Variants in PTPRZ1 observed in about 807,000 individuals in gnomAD.
PTPRZ1 encodes protein tyrosine phosphatase receptor type Z1, also known as receptor-type tyrosine-protein phosphatase zeta.
PTPRZ1 carries 82 observed loss-of-function variants against 214.1 expected under a neutral mutation model. That is an observed-to-expected ratio of 0.38 (90% CI 0.32 to 0.46). The LOEUF (loss-of-function observed/expected upper bound fraction) is 0.46, where lower values mean the gene tolerates loss of function less well. Among genes scored for constraint, PTPRZ1 ranks in the 20% least tolerant of loss-of-function variants. PTPRZ1 has a pLI of 1.00. For missense variants in PTPRZ1, 2,603 were observed against 2,748.7 expected, an observed-to-expected ratio of 0.95 and a Z score of 1.19; for synonymous variants, 945 against 987.9, an observed-to-expected ratio of 0.96 and a Z score of 0.81.
chr7:121,965,611 CTT>C (rs1196498684), intron 2 of PTPRZ1, among the ~76,000 whole-genome samples: 1 of 152,078 alleles, frequency 6.6e-6, no homozygotes, highest in Non-Finnish European at 1.5e-5. Flanking sequence ...CCACCATCCT[CTT>C]TGCCAACAAA....
intron 10 of PTPRZ1, among the ~76,000 whole-genome samples, chr7:121,998,551 C>G (rs1459234813): frequency 6.6e-6 from 1 of 152,048 alleles, no homozygotes; most frequent in Admixed American, 6.6e-5. Flanking sequence ...AAAAATAAGA[C>G]AAACAAAAGT....
At chr7:121,980,100 T>A (rs1446661992) in intron 6 of PTPRZ1, among the ~76,000 whole-genome samples, 1 of 152,134 alleles carries the variant, frequency 6.6e-6, no homozygotes, top group Non-Finnish European at 1.5e-5. Context: ...TTCCCAATAA[T>A]AGGAAAATTC....
At chr7:121,975,651 G>GT (rs1209377835) in intron 4 of PTPRZ1, among the ~76,000 whole-genome samples, 1 of 152,194 alleles carries the variant, frequency 6.6e-6, no homozygotes, top group Non-Finnish European at 1.5e-5. Flanking sequence ...TATAGAGGCT[G>GT]TTACAGAGAG....
chr7:121,927,715 A>T (rs532714484), intron 1 of PTPRZ1, among the ~76,000 whole-genome samples: 1 of 152,290 alleles, frequency 6.6e-6, no homozygotes, highest in East Asian at 1.9e-4. Flanking sequence ...AGCGTGATAA[A>T]CTCTGGGTAC....
At position 121,918,446 on chromosome 7, in the gene PTPRZ1, A is replaced by T. The variant is rs145206969; in HGVS notation, c.59-9710A>T. Among the ~76,000 whole-genome samples, 354 of 152,292 alleles carry T rather than the reference A, an allele frequency of 2.3e-3. 2 individuals are homozygous for T. The highest frequency in any genetic ancestry group is 8.2e-3 in the African/African-American group (342 of 41,554). On this transcript the variant is annotated intron_variant, in intron 1 of 29. Transcript: ENST00000393386. ...GGTTCTTGTTTTTCATTATCTTGGT[A>T]GCTGAAGTACTTAACTTGCCTACTA...
At chr7:122,005,658 A>G (rs1798463772) in intron 11 of PTPRZ1, among the ~76,000 whole-genome samples, 1 of 152,030 alleles carries the variant, frequency 6.6e-6, no homozygotes, top group Non-Finnish European at 1.5e-5. Context: ...ATATGTATAT[A>G]TACACACACA....
At chr7:122,045,317 A>G (rs751522934) in intron 23 of PTPRZ1, among the ~76,000 whole-genome samples, 12 of 152,144 alleles carry the variant, frequency 7.9e-5, no homozygotes, top group Admixed American at 1.3e-4. Context: ...TGAAGAATGA[A>G]TATCTGGGAA....
intron 1 of PTPRZ1, chr7:121,908,902 A>G (rs766217247): frequency 7.8e-6 from 4 of 515,220 alleles, no homozygotes; most frequent in Non-Finnish European, 1.5e-5. Flanking sequence ...TTGAATATTC[A>G]TTGGTGCCTG....
chr7:121,948,477 T>C (rs1239938919), intron 2 of PTPRZ1, among the ~76,000 whole-genome samples: 1 of 152,060 alleles, frequency 6.6e-6, no homozygotes, highest in Non-Finnish European at 1.5e-5. Flanking sequence ...TAAATAAGAA[T>C]AAACATGTTG....
chr7:122,050,928 A>G (rs1250987093), intron 23 of PTPRZ1, among the ~76,000 whole-genome samples: 1 of 152,228 alleles, frequency 6.6e-6, no homozygotes, highest in Non-Finnish European at 1.5e-5. Flanking sequence ...GGAGATGCTC[A>G]TATCTATAAA....
At chr7:121,955,032 C>A (rs1466207015) in intron 2 of PTPRZ1, among the ~76,000 whole-genome samples, 1 of 152,180 alleles carries the variant, frequency 6.6e-6, no homozygotes, top group African/African-American at 2.4e-5. Flanking sequence ...GCATGGACTT[C>A]AACCAAAACA....
intron 27 of PTPRZ1, 26 bp downstream of exon 27, chr7:122,055,113 C>T: frequency 6.8e-7 from 1 of 1,475,280 alleles, no homozygotes; most frequent in Non-Finnish European, 9.2e-7. Flanking sequence ...AAATGACAAA[C>T]TTTTTATCTT....
At chr7:122,014,989 T>C (rs1320567940) in intron 12 of PTPRZ1, among the ~76,000 whole-genome samples, 3 of 152,130 alleles carry the variant, frequency 2.0e-5, no homozygotes, top group African/African-American at 7.2e-5. Flanking sequence ...CACTAAACAT[T>C]TTTCTGTAGA....
chr7:121,970,192 A>T (rs528254614), intron 3 of PTPRZ1, among the ~76,000 whole-genome samples: 1 of 152,072 alleles, frequency 6.6e-6, no homozygotes, highest in Admixed American at 6.5e-5. Flanking sequence ...TTCTTAATCC[A>T]GTCTATTGTT....
At chr7:121,914,904 A>G (rs756753361) in intron 1 of PTPRZ1, among the ~76,000 whole-genome samples, 4 of 152,166 alleles carry the variant, frequency 2.6e-5, no homozygotes, top group Admixed American at 6.6e-5. Flanking sequence ...AAAAGTTTCC[A>G]AGGTTTTCTT....
chr7:121,972,729 C>T (rs1462912383), intron 4 of PTPRZ1, 37 bp downstream of exon 4: 1 of 1,416,688 alleles, frequency 7.1e-7, no homozygotes. Context: ...ATTTTATTTT[C>T]TAAATAATTG....
chr7:121,969,166 A>G (rs1202149301), intron 3 of PTPRZ1, among the ~76,000 whole-genome samples: 1 of 152,126 alleles, frequency 6.6e-6, no homozygotes, highest in East Asian at 1.9e-4. Context: ...TGAACTCAAG[A>G]GTTGGAGGCT....
At chr7:121,904,738 G>T (rs1795069206) in intron 1 of PTPRZ1, among the ~76,000 whole-genome samples, 1 of 152,080 alleles carries the variant, frequency 6.6e-6, no homozygotes, top group Non-Finnish European at 1.5e-5. Flanking sequence ...AACTTCTGTT[G>T]TTACTTCTGT....
At position 121,943,713 on chromosome 7, in the gene PTPRZ1, A is replaced by T. The variant is rs576712791; in HGVS notation, c.124+15492A>T. The stretch of plus-strand genomic sequence containing the variant: ...ATTACCTGGAGGGCTTACTGAAAAA[A>T]GATTACTGGTCCTGATTTTCAGAGT... On this transcript the variant is annotated intron_variant, in intron 2 of 29. Transcript: ENST00000393386. Among the ~76,000 whole-genome samples, 13 of 152,320 alleles carry T rather than the reference A, an allele frequency of 8.5e-5. No homozygotes were observed. The East Asian group carries it at 2.5e-3, about 29-fold the overall frequency.
Sources: allele counts gnomAD v4.1 joint callset (sites outside exome capture counted in the v4.1 genomes callset), GRCh38; gene constraint gnomAD v4.1.1; transcripts MANE v1.5; gene names NCBI Gene and HGNC (gene_info 2026-07-23, HGNC 2026-07-21).